APOBEC3F: variants seen among roughly 807,000 people sequenced by gnomAD.
The protein encoded by APOBEC3F is apolipoprotein B mRNA editing enzyme catalytic subunit 3F.
APOBEC3F carries 34 observed loss-of-function variants against 45.8 expected under a neutral mutation model. That is an observed-to-expected ratio of 0.74 (90% confidence interval 0.57 to 0.99). The LOEUF is 0.99. Among genes scored for constraint, APOBEC3F ranks in the 50% least tolerant of loss-of-function variants. APOBEC3F has a pLI of 0.00. For missense variants in APOBEC3F, 459 were observed against 474.1 expected (o/e 0.97, Z 0.30); for synonymous variants, 192 against 174.4 (o/e 1.10, Z -0.80).
In APOBEC3F at chr22:39,052,166, C is replaced by T; in HGVS notation, c.816C>T (p.Thr272=). ...ILSPNTNYEV[T]WYTSWSPCPE... ...CTCCTAACACAAACTACGAGGTCAC[C>T]TGGTACACATCTTGGAGCCCTTGCC... Residue 272 remains threonine, a synonymous_variant, in exon 6 of 7, where the codon ACC becomes ACT. Coordinates refer to ENST00000308521, the MANE Select transcript of APOBEC3F (RefSeq NM_145298.6). The T allele has an allele frequency of 6.2e-7, 1 of 1,614,122 alleles. No individual in the cohort carries two copies. The highest frequency in any genetic ancestry group is 1.1e-5 in the South Asian group (1 of 91,078).
intron 4 of APOBEC3F, among the ~76,000 whole-genome samples, chr22:39,049,019 A>G (rs1927354182): frequency 6.6e-6 from 1 of 151,658 alleles, no homozygotes; most frequent in South Asian, 2.1e-4. Context: ...CAAAAAGAGT[A>G]GCCTGGGCCT....
At chr22:39,042,310 CTT>C (rs759396493) in intron 1 of APOBEC3F, among the ~76,000 whole-genome samples, 13 of 94,380 alleles carry the variant, frequency 1.4e-4, no homozygotes, top group Admixed American at 2.1e-4. Context: ...TTCTCTCTCT[CTT>C]TTTTTTTTTT....
At position 39,045,193 on chromosome 22, in the gene APOBEC3F, G is replaced by A. The variant is rs749026784; in HGVS notation, c.424G>A (p.Ala142Thr). Reference protein sequence around the residue: ...RALCRLSQAGARVKIMDDEEF... With the variant: ...RALCRLSQAGTRVKIMDDEEF... Reference sequence around the variant, plus strand: ...GCTCTGCAGGCTGAGTCAGGCAGGGGCCCGCGTGAAGATTATGGACGATGA... The same window carrying A: ...GCTCTGCAGGCTGAGTCAGGCAGGGACCCGCGTGAAGATTATGGACGATGA... The change falls in exon 3 of 7, where the codon GCC becomes ACC. Residue 142 changes from alanine (A) to threonine (T), a missense_variant. By Grantham distance (58) the Ala-to-Thr change is moderately conservative. Coordinates refer to ENST00000308521, the MANE Select transcript of APOBEC3F (RefSeq NM_145298.6). 1 of 1,614,180 alleles carries A rather than the reference G, an allele frequency of 6.2e-7. No homozygotes were observed. The highest frequency in any genetic ancestry group is 1.7e-5 in the Admixed American group (1 of 60,010).
At position 39,047,043 on chromosome 22, in the gene APOBEC3F, C is replaced by G. The variant is rs1002140245; in HGVS notation, c.566+1501C>G. On this transcript the variant is annotated intron_variant, in intron 4 of 6. Coordinates refer to ENST00000308521, the MANE Select transcript of APOBEC3F (RefSeq NM_145298.6). Reference sequence around the variant, plus strand: ...GGTGGCCGGGGACACCAGCCTCCACCCTTCTGTGACATAGGGACAAGAGCT... The same window carrying G: ...GGTGGCCGGGGACACCAGCCTCCACGCTTCTGTGACATAGGGACAAGAGCT... Among the ~76,000 whole-genome samples, 11 of 152,112 alleles carry G rather than the reference C, an allele frequency of 7.2e-5. 1 individual carries two copies. The highest frequency in any genetic ancestry group is 6.5e-4 in the Admixed American group (10 of 15,282).
In APOBEC3F at chr22:39,044,043, CAAAA is replaced by C; in HGVS notation, c.172-894_172-891del. The C allele has an allele frequency of 2.7e-6, 4 of 1,495,234 alleles. 1 individual carries two copies. In the South Asian group the frequency reaches 3.9e-5, roughly 15 times the overall value. The allele number at this position is 1,495,234 out of a possible 1,614,324, so 92.6% of individuals were successfully genotyped here. ...TACGTCTCAAAACAAAAACAAAAAA[CAAAA>C]AAAGATAAATGAGCGGTGTATGGTG... On this transcript the variant is annotated intron_variant, in intron 2 of 6. Transcript: ENST00000308521.
At position 39,055,576 on chromosome 22, in the gene APOBEC3F, G is replaced by C. The variant is rs374967050; in HGVS notation, c.*2881G>C. Among the ~76,000 whole-genome samples, 3 of 152,200 alleles carry C rather than the reference G, an allele frequency of 2.0e-5. No individual in the cohort carries two copies. Among genetic ancestry groups the C allele is most frequent in the East Asian group, 3.9e-4 (2 of 5,188 alleles). On this transcript the variant is annotated 3_prime_UTR_variant, in exon 7 of 7. Coordinates refer to ENST00000308521, the MANE Select transcript of APOBEC3F (RefSeq NM_145298.6). Reference sequence around the variant, plus strand: ...GTAGAGATGGGGTTTCACTGAGGAAGGAGACCACCTCTCTCATTGTCTCCT... The same window carrying C: ...GTAGAGATGGGGTTTCACTGAGGAACGAGACCACCTCTCTCATTGTCTCCT...
At chr22:39,044,257 T>G in intron 2 of APOBEC3F, 1 of 1,577,704 alleles carries the variant, frequency 6.3e-7, no homozygotes, top group Non-Finnish European at 8.6e-7. Context: ...GCCTGGTGAA[T>G]GGATGCCTGG....
At position 39,043,232 on chromosome 22, in the gene APOBEC3F, C is replaced by T. The variant is rs547707257; in HGVS notation, c.171+142C>T. 134 of 1,235,038 alleles carry T rather than the reference C, an allele frequency of 1.1e-4. 1 individual carries two copies. The African/African-American group carries it at 1.8e-3, about 17-fold the overall frequency. 76.5% of individuals were successfully genotyped at this position (1,235,038 alleles called of 1,614,324 possible). On this transcript the variant is annotated intron_variant, in intron 2 of 6. Transcript: ENST00000308521. ...ACACTTTCCAAGTCCGTGGCCCTGA[C>T]CTTCCTGCTGGACCGTCCTGGGATC...
rs768209849 is a variant in APOBEC3F at position 39,049,562 on chromosome 22, G to A, written c.704G>A (p.Arg235Lys). 1 of 1,614,066 alleles carries A rather than the reference G, an allele frequency of 6.2e-7. No homozygotes were observed. Among genetic ancestry groups the A allele is most frequent in the South Asian group, 1.1e-5 (1 of 91,072 alleles). ...VKHHSPVSWKRGVFRNQVDPE... is the reference protein window; with the variant it reads ...VKHHSPVSWKKGVFRNQVDPE... ...CACCACTCACCTGTCTCCTGGAAGA[G>A]GGGCGTCTTCCGAAACCAGGTAGCA... Residue 235 changes from arginine (R) to lysine (K), a missense_variant, in exon 5 of 7, where the codon AGG becomes AAG. Arg to Lys is a conservative substitution (Grantham distance 26). Transcript: ENST00000308521.
intron 2 of APOBEC3F, chr22:39,044,363 A>T: frequency 7.2e-7 from 1 of 1,394,350 alleles, no homozygotes; most frequent in South Asian, 1.7e-5. Context: ...CTTTGTGATG[A>T]TGCTTCAACA....
At chr22:39,049,373 C>T (rs1005637334) in intron 4 of APOBEC3F, 52 bp from the exon 5 acceptor site, 1 of 1,595,864 alleles carries the variant, frequency 6.3e-7, no homozygotes, top group Non-Finnish European at 8.6e-7. Context: ...GGCATCAGCT[C>T]CGAGGAATCC....
chr22:39,050,659 AT>A (rs1311256514), intron 5 of APOBEC3F, among the ~76,000 whole-genome samples: 2 of 151,922 alleles, frequency 1.3e-5, no homozygotes, highest in Non-Finnish European at 2.9e-5. Context: ...AAGTTTGTCT[AT>A]TCTCACAATG....
chr22:39,044,993 G>T lies in APOBEC3F; in HGVS notation c.224G>T (p.Cys75Phe). ...GAAATGTGCTTCCTCTCTTGGTTCT[G>T]TGGCAACCAGCTGCCTGCTTACAAG... is the stretch of plus-strand genomic sequence containing the variant. ...HAEMCFLSWFCGNQLPAYKCF... is the reference protein window; with the variant it reads ...HAEMCFLSWFFGNQLPAYKCF... Residue 75 changes from cysteine to phenylalanine, a missense_variant, in exon 3 of 7, where the codon TGT (cysteine) becomes TTT (phenylalanine). Transcript: ENST00000308521. 6.2e-7 allele frequency: 1 copy of T among 1,613,942 alleles called. No individual in the cohort carries two copies. Among genetic ancestry groups the T allele is most frequent in the East Asian group, 2.2e-5 (1 of 44,872 alleles).
At chr22:39,044,289 C>T (rs777534902) in intron 2 of APOBEC3F, 67 of 1,537,308 alleles carry the variant, frequency 4.4e-5, no homozygotes, top group Admixed American at 3.4e-4. Flanking sequence ...CCAGAATTCA[C>T]GCATGAGGCT....
At chr22:39,047,519 GC>G (rs1301203247) in intron 4 of APOBEC3F, among the ~76,000 whole-genome samples, 3 of 152,160 alleles carry the variant, frequency 2.0e-5, no homozygotes, top group Non-Finnish European at 2.9e-5. Flanking sequence ...AGGGACCACT[GC>G]CCGCTCTGCC....
Position 39,052,064 on chromosome 22 carries a change from C to G in APOBEC3F, c.724-10C>G. 6.2e-7 allele frequency: 1 copy of G among 1,610,322 alleles called. No homozygotes were observed. The highest frequency in any genetic ancestry group is 1.1e-5 in the South Asian group (1 of 90,820). Reference sequence around the variant, plus strand: ...TGAGCTCCCCTGCCCTCCTCCTCCTCCTTCCCCAGGTGGATCCTGAGACCC... The same window carrying G: ...TGAGCTCCCCTGCCCTCCTCCTCCTGCTTCCCCAGGTGGATCCTGAGACCC... On this transcript the variant is annotated splice_polypyrimidine_tract_variant and intron_variant, in intron 5 of 6. Transcript: ENST00000308521.
In APOBEC3F at chr22:39,044,167, G is replaced by T. The variant is rs775664756; in HGVS notation, c.172-774G>T. 1.9e-6 allele frequency: 3 copies of T among 1,601,766 alleles called. No individual in the cohort carries two copies. The South Asian group carries it at 3.4e-5, about 18-fold the overall frequency. ...CGCCCCACCACATGGGACAGCGCAG[G>T]TCCAGTGGCCTCCCCAGCTGACCGC... On this transcript the variant is annotated intron_variant, in intron 2 of 6. Coordinates refer to ENST00000308521, the MANE Select transcript of APOBEC3F (RefSeq NM_145298.6).
rs892829455 is a variant in APOBEC3F at position 39,054,952 on chromosome 22, C to T, written c.*2257C>T. On this transcript the variant is annotated 3_prime_UTR_variant, in exon 7 of 7. Transcript: ENST00000308521. ...GGCTACAAGTCCAAGGTGGAGGGGTCGGCGGGGTTGTTTGCTCTGAGGCCG... is the reference window on the plus strand; with the variant it reads ...GGCTACAAGTCCAAGGTGGAGGGGTTGGCGGGGTTGTTTGCTCTGAGGCCG... Among the ~76,000 whole-genome samples, 9 of 152,092 alleles carry T rather than the reference C, an allele frequency of 5.9e-5. No individual in the cohort carries two copies. Among genetic ancestry groups the T allele is most frequent in the South Asian group, 2.1e-4 (1 of 4,828 alleles).
At chr22:39,041,904 GA>G (rs35632133) in intron 1 of APOBEC3F, among the ~76,000 whole-genome samples, 1 of 151,992 alleles carries the variant, frequency 6.6e-6, no homozygotes, top group Non-Finnish European at 1.5e-5. Flanking sequence ...GAATATATGG[GA>G]AAAAAACTCA....
Sources: allele counts gnomAD v4.1 joint callset (sites outside exome capture counted in the v4.1 genomes callset), GRCh38; gene constraint gnomAD v4.1.1; transcripts MANE v1.5; gene names NCBI Gene and HGNC (gene_info 2026-07-23, HGNC 2026-07-21).